The following MAPK4 variants were observed in gnomAD, a reference collection of about 807,000 sequenced individuals.
The protein encoded by MAPK4 is Erk3-related.
In MAPK4, 22 loss-of-function variants were observed where a neutral mutation model predicts 47.7. The ratio of observed to expected loss-of-function variants is 0.46; its 90% CI spans 0.33 to 0.66. MAPK4 has a LOEUF of 0.66. MAPK4 is among the 30% of genes least tolerant of loss of function. The probability of loss-of-function intolerance (pLI) is 0.02; values close to 1 mark genes in which losing one functional copy is unlikely to be tolerated. For missense variants in MAPK4, 736 were observed against 831.7 expected, an observed-to-expected ratio of 0.88 and a Z score of 1.42; for synonymous variants, 390 against 365.7, an observed-to-expected ratio of 1.07 and a Z score of -0.76.
Position 50,729,526 on chromosome 18 carries a change from C to G in MAPK4, c.1436C>G (p.Thr479Arg), listed in dbSNP as rs1030394148. Residue 479 changes from threonine to arginine, a missense_variant, in exon 6 of 6, where the codon ACG (threonine) becomes AGG (arginine). Coordinates refer to ENST00000400384, the MANE Select transcript of MAPK4 (RefSeq NM_002747.4). ...CCCACGGCCACGGGGCTGGCGGACA[C>G]GGGGGCGCGCGAGGACGAGCCGGCC... ...APPTATGLAD[T>R]GAREDEPASL... 15 of 1,433,370 alleles carry G rather than the reference C, an allele frequency of 1.0e-5. No individual in the cohort carries two copies. The African/African-American group carries it at 2.0e-4, about 20-fold the overall frequency. The allele number at this position is 1,433,370 out of a possible 1,614,324, so 88.8% of individuals were successfully genotyped here. A position where few individuals can be genotyped will look rare whatever the true frequency, so the allele number is the denominator to read the frequency against.
intron 1 of MAPK4, among the ~76,000 whole-genome samples, chr18:50,609,511 C>G (rs1285482303): frequency 2.0e-5 from 3 of 152,116 alleles, no homozygotes; most frequent in African/African-American, 7.2e-5. Context: ...CTCACACAGT[C>G]AAGGAGATTT....
intron 1 of MAPK4, among the ~76,000 whole-genome samples, chr18:50,598,593 C>T: frequency 6.6e-6 from 1 of 152,180 alleles, no homozygotes; most frequent in East Asian, 1.9e-4. Context: ...TGTCCATATG[C>T]CTTTATCTTC....
intron 2 of MAPK4, among the ~76,000 whole-genome samples, chr18:50,692,877 T>C (rs868179230): frequency 6.6e-6 from 1 of 152,072 alleles, no homozygotes; most frequent in African/African-American, 2.4e-5. Context: ...GGTTTTGAAC[T>C]CATGAGTAAG....
Position 50,729,498 on chromosome 18 carries a change from C to T in MAPK4, c.1408C>T (p.Pro470Ser), listed in dbSNP as rs1006217417. Residue 470 changes from proline (P) to serine (S), a missense_variant, in exon 6 of 6, where the codon CCC becomes TCC. Around this residue, in one of 3 missense-constraint regions of MAPK4, gnomAD observed 377 missense variants for 378.6 expected, o/e 1.00. Transcript: ENST00000400384. The part of the protein sequence containing the change: ...LSHWKQAAGA[P>S]PTATGLADTG... ...GCACTGGAAGCAGGCGGCCGGCGCGCCCCCCACGGCCACGGGGCTGGCGGA... is the reference window on the plus strand; with the variant it reads ...GCACTGGAAGCAGGCGGCCGGCGCGTCCCCCACGGCCACGGGGCTGGCGGA... 25 of 1,454,684 alleles carry T rather than the reference C, an allele frequency of 1.7e-5. No homozygotes were observed. In the South Asian group the frequency reaches 2.2e-4, roughly 13 times the overall value. The allele number at this position is 1,454,684 out of a possible 1,614,324, so 90.1% of individuals were successfully genotyped here. A position where few individuals can be genotyped will look rare whatever the true frequency, so the allele number is the denominator to read the frequency against.
intron 1 of MAPK4, among the ~76,000 whole-genome samples, chr18:50,655,827 G>A (rs2043104160): frequency 6.6e-6 from 1 of 152,120 alleles, no homozygotes; most frequent in South Asian, 2.1e-4. Context: ...TCTTTTCTGG[G>A]CCTCAGGGAT....
chr18:50,569,189 A>G (rs2042228739), intron 1 of MAPK4, among the ~76,000 whole-genome samples: 1 of 152,232 alleles, frequency 6.6e-6, no homozygotes, highest in South Asian at 2.1e-4. Context: ...ACCATGTGTC[A>G]TTCATTTTAA....
At chr18:50,617,791 G>A (rs145450956) in intron 1 of MAPK4, among the ~76,000 whole-genome samples, 96 of 152,256 alleles carry the variant, frequency 6.3e-4, no homozygotes, top group African/African-American at 2.2e-3. Flanking sequence ...AAGACCTTAA[G>A]CCACCCCTCT....
chr18:50,719,425 C>A (rs1262950562), intron 3 of MAPK4, among the ~76,000 whole-genome samples: 1 of 152,154 alleles, frequency 6.6e-6, no homozygotes, highest in Non-Finnish European at 1.5e-5. Context: ...ATTTTTCCAA[C>A]TGAAATTGCA....
intron 1 of MAPK4, among the ~76,000 whole-genome samples, chr18:50,633,605 C>T (rs1384505162): frequency 6.6e-6 from 1 of 152,212 alleles, no homozygotes; most frequent in Admixed American, 6.5e-5. Flanking sequence ...CTTGGGCTGG[C>T]TGCTGCCAGA....
At chr18:50,706,273 A>T (rs1910047573) in intron 2 of MAPK4, 1 of 152,104 alleles carries the variant, frequency 6.6e-6, no homozygotes, top group Non-Finnish European at 1.5e-5. Context: ...GAACCATGAA[A>T]ATACTACTTA....
chr18:50,689,404 TAAAA>T (rs34978159), intron 2 of MAPK4, among the ~76,000 whole-genome samples: 11 of 84,874 alleles, frequency 1.3e-4, no homozygotes, highest in African/African-American at 3.9e-4. Context: ...AACTCCATCT[TAAAA>T]AAAAAAAAAA....
At chr18:50,624,412 G>T (rs78989086) in intron 1 of MAPK4, among the ~76,000 whole-genome samples, 1,940 of 152,218 alleles carry the variant, frequency 0.013, 38 homozygotes, top group African/African-American at 0.044. Context: ...TCAACACGTG[G>T]GCAGTGTAGT....
chr18:50,622,876 G>A (rs1429598668), intron 1 of MAPK4, among the ~76,000 whole-genome samples: 3 of 152,194 alleles, frequency 2.0e-5, no homozygotes, highest in Non-Finnish European at 4.4e-5. Context: ...GTGCGCCCAA[G>A]CCAATTAATG....
intron 1 of MAPK4, among the ~76,000 whole-genome samples, chr18:50,623,956 C>G (rs1232697336): frequency 1.3e-5 from 2 of 152,250 alleles, no homozygotes; most frequent in Non-Finnish European, 2.9e-5. Flanking sequence ...CCTCAAGTGG[C>G]TACATGGGTG....
chr18:50,717,744 C>G (rs1311681365), intron 3 of MAPK4, among the ~76,000 whole-genome samples: 1 of 152,214 alleles, frequency 6.6e-6, no homozygotes, highest in African/African-American at 2.4e-5. Flanking sequence ...GGGGAGCCGA[C>G]AATCTCAGTT....
intron 3 of MAPK4, among the ~76,000 whole-genome samples, chr18:50,716,251 G>A (rs552275960): frequency 6.6e-6 from 1 of 152,224 alleles, no homozygotes; most frequent in Admixed American, 6.5e-5. Flanking sequence ...AAACTGCCGT[G>A]TTCTTAATCC....
At chr18:50,594,574 A>C (rs997450000) in intron 1 of MAPK4, among the ~76,000 whole-genome samples, 3 of 152,236 alleles carry the variant, frequency 2.0e-5, no homozygotes, top group African/African-American at 7.2e-5. Context: ...GATCCTACCT[A>C]GCTCTGTACA....
chr18:50,637,273 T>C (rs568813460), intron 1 of MAPK4, among the ~76,000 whole-genome samples: 1 of 152,320 alleles, frequency 6.6e-6, no homozygotes, highest in Non-Finnish European at 1.5e-5. Flanking sequence ...GCAGTAAGTA[T>C]TTTACATGTA....
At chr18:50,649,154 A>G (rs1194201669) in intron 1 of MAPK4, among the ~76,000 whole-genome samples, 1 of 152,144 alleles carries the variant, frequency 6.6e-6, no homozygotes, top group Non-Finnish European at 1.5e-5. Context: ...CTGATCCCCT[A>G]GGGGCCCTTG....
Sources: allele counts gnomAD v4.1 joint callset (sites outside exome capture counted in the v4.1 genomes callset), GRCh38; gene constraint gnomAD v4.1.1; regional missense constraint gnomAD v4.1.1; transcripts MANE v1.5; gene names NCBI Gene and HGNC (gene_info 2026-07-23, HGNC 2026-07-21).